The following LEPROTL1 variants were observed in gnomAD, a reference collection of about 807,000 sequenced individuals.
The protein encoded by LEPROTL1 is leptin receptor overlapping transcript-like 1.
LEPROTL1 carries 6 observed loss-of-function variants against 15.4 expected under a neutral mutation model. The observed-to-expected ratio is 0.39, with a 90% CI of 0.21 to 0.77. The LOEUF is 0.77. Ranked by LOEUF, LEPROTL1 falls within the 30% of genes least tolerant of loss-of-function variation. The pLI is 0.41. For synonymous variants in LEPROTL1, 56 were observed against 52.6 expected, an observed-to-expected ratio of 1.06 and a Z score of -0.28; for missense variants, 128 against 158.1, an observed-to-expected ratio of 0.81 and a Z score of 1.02.
Position 30,105,912 on chromosome 8 carries a change from C to T in LEPROTL1, c.*50C>T. On this transcript the variant is annotated 3_prime_UTR_variant, in exon 4 of 4. Coordinates refer to ENST00000321250, the MANE Select transcript of LEPROTL1 (RefSeq NM_015344.3). ...AATGGACTTCCTGTCATTTGTTGGC[C>T]ATTCACGCACACAGGAGATGGGGCA... is the stretch of plus-strand genomic sequence containing the variant. 1 of 1,436,140 alleles carries T rather than the reference C, an allele frequency of 7.0e-7. No individual in the cohort carries two copies. Among genetic ancestry groups the T allele is most frequent in the Non-Finnish European group, 9.2e-7 (1 of 1,086,846 alleles). 89.0% of individuals were successfully genotyped at this position (1,436,140 alleles called of 1,614,324 possible). A position where few individuals can be genotyped will look rare whatever the true frequency, so the allele number is the denominator to read the frequency against.
intron 3 of LEPROTL1, among the ~76,000 whole-genome samples, chr8:30,115,064 T>C (rs1015340498): frequency 6.6e-6 from 1 of 152,154 alleles, no homozygotes; most frequent in Non-Finnish European, 1.5e-5. Context: ...TTGACTTTTT[T>C]CTGATATAAA....
intron 3 of LEPROTL1, among the ~76,000 whole-genome samples, chr8:30,122,181 A>G (rs28444253): frequency 6.6e-6 from 1 of 151,706 alleles, no homozygotes; most frequent in Non-Finnish European, 1.5e-5. Flanking sequence ...AAAAAAAAAA[A>G]TTAACTTTAG....
At chr8:30,099,270 AG>A (rs1238692323) in intron 1 of LEPROTL1, among the ~76,000 whole-genome samples, 3 of 152,170 alleles carry the variant, frequency 2.0e-5, no homozygotes, top group Non-Finnish European at 4.4e-5. Context: ...TAAATATAAC[AG>A]GGAATTGGTC....
chr8:30,130,372 A>G (rs1278981543), intron 3 of LEPROTL1, among the ~76,000 whole-genome samples: 1 of 152,256 alleles, frequency 6.6e-6, no homozygotes, highest in Non-Finnish European at 1.5e-5. Context: ...AAGTTTTATA[A>G]GTAAGTTGAA....
At chr8:30,118,450 A>G (rs1802776314) in intron 3 of LEPROTL1, among the ~76,000 whole-genome samples, 1 of 152,214 alleles carries the variant, frequency 6.6e-6, no homozygotes, top group Admixed American at 6.5e-5. Context: ...AACAACAGAC[A>G]TTTATTTTCT....
chr8:30,127,208 C>G (rs73669683), intron 3 of LEPROTL1, among the ~76,000 whole-genome samples: 3,102 of 152,256 alleles, frequency 0.02, 104 homozygotes, highest in African/African-American at 0.071. Flanking sequence ...TTCTTATTAA[C>G]CTTTGCCAGC....
chr8:30,132,033 C>T, intron 3 of LEPROTL1: 1 of 1,551,830 alleles, frequency 6.4e-7, no homozygotes, highest in Non-Finnish European at 8.7e-7. Flanking sequence ...TACAGAGCAA[C>T]CAGAGAGAGG....
intron 2 of LEPROTL1, among the ~76,000 whole-genome samples, chr8:30,103,330 A>C (rs1802502924): frequency 6.6e-6 from 1 of 152,206 alleles, no homozygotes; most frequent in East Asian, 1.9e-4. Flanking sequence ...TGAGAAGCTC[A>C]ATAGGAAAGT....
intron 3 of LEPROTL1, among the ~76,000 whole-genome samples, chr8:30,114,913 T>A (rs1802712830): frequency 6.6e-6 from 1 of 152,104 alleles, no homozygotes; most frequent in South Asian, 2.1e-4. Flanking sequence ...TCTACTCCCC[T>A]TTCATTGCCG....
At chr8:30,134,409 G>A (rs371559405) in intron 4 of LEPROTL1, among the ~76,000 whole-genome samples, 39 of 149,890 alleles carry the variant, frequency 2.6e-4, no homozygotes, top group African/African-American at 9.1e-4. Flanking sequence ...GTGATAGAGC[G>A]AGACTGCATC....
chr8:30,122,934 T>C lies in LEPROTL1; in HGVS notation c.280-9441T>C, dbSNP rs71521372. Among the ~76,000 whole-genome samples the C allele has an allele frequency of 6.9e-3, 1,058 of 152,316 alleles. 6 individuals carry two copies. The highest frequency in any genetic ancestry group is 0.011 in the Non-Finnish European group (726 of 68,028). On this transcript the variant is annotated intron_variant, in intron 3 of 4. Coordinates refer to the LEPROTL1 transcript ENST00000442880. ...ACCTATTGACTTAAACCAATAATCA[T>C]TGGTTCAGCTCACAAATCTGTAATT...
chr8:30,113,210 A>C (rs995904206), downstream of LEPROTL1, among the ~76,000 whole-genome samples: 7 of 152,148 alleles, frequency 4.6e-5, no homozygotes, highest in Admixed American at 2.6e-4. Context: ...TGGGAGGCAG[A>C]GGTTGCAGTA....
chr8:30,109,812 A>G (rs984945671), downstream of LEPROTL1, among the ~76,000 whole-genome samples: 9 of 152,216 alleles, frequency 5.9e-5, no homozygotes, highest in African/African-American at 1.7e-4. Flanking sequence ...CCTCTTACAC[A>G]AATGAAATGC....
chr8:30,137,317 G>A (rs1038712384), exon 5 of LEPROTL1: 10 of 1,551,638 alleles, frequency 6.4e-6, no homozygotes, highest in Non-Finnish European at 8.7e-6. Flanking sequence ...AGCTGAGTCT[G>A]AAGGAAGAGA....
At chr8:30,096,197 T>C (rs1390332546) in intron 1 of LEPROTL1, 1 of 770,066 alleles carries the variant, frequency 1.3e-6, no homozygotes, top group Non-Finnish European at 1.4e-6. Context: ...TTTTTCTTTT[T>C]TTCCTTTTTT....
At position 30,114,208 on chromosome 8, in the gene LEPROTL1, C is replaced by T. The variant is rs572100537; in HGVS notation, c.279+9722C>T. Reference sequence around the variant, plus strand: ...TCGTCCTGAGACAATGAACCCAGAACCTGCCATCTGCTTGGATAGGAAGGT... The same window carrying T: ...TCGTCCTGAGACAATGAACCCAGAATCTGCCATCTGCTTGGATAGGAAGGT... On this transcript the variant is annotated intron_variant, in intron 3 of 4. Coordinates refer to the LEPROTL1 transcript ENST00000442880. 3.9e-5 allele frequency among the ~76,000 whole-genome samples: 6 copies of T among 152,142 alleles called. No individual in the cohort carries two copies. The South Asian group carries it at 1.2e-3, about 32-fold the overall frequency.
chr8:30,132,293 G>A (rs750128376), intron 3 of LEPROTL1: 43 of 1,551,652 alleles, frequency 2.8e-5, no homozygotes, highest in Middle Eastern at 1.7e-4. Flanking sequence ...CTGCTGTGCT[G>A]GAATACAAGC....
intron 4 of LEPROTL1, chr8:30,132,682 A>G: frequency 1.3e-6 from 2 of 1,551,762 alleles, no homozygotes; most frequent in Non-Finnish European, 1.7e-6. Context: ...GGACCCTTGA[A>G]CACGAGCCTG....
chr8:30,112,398 C>A, downstream of LEPROTL1, among the ~76,000 whole-genome samples: 1 of 23,442 alleles, frequency 4.3e-5, no homozygotes. Context: ...CCATGCCCAG[C>A]TAATTTTTTT....
Sources: allele counts gnomAD v4.1 joint callset (sites outside exome capture counted in the v4.1 genomes callset), GRCh38; gene constraint gnomAD v4.1.1; transcripts MANE v1.5; gene names NCBI Gene and HGNC (gene_info 2026-07-23, HGNC 2026-07-21).